The following CEP85L variants were observed in gnomAD, a reference collection of about 807,000 sequenced individuals.
CEP85L encodes the protein centrosomal protein of 85 kDa-like.
CEP85L carries 60 observed loss-of-function variants against 100.3 expected under a neutral mutation model. That is an observed-to-expected ratio of 0.60 (90% CI 0.49 to 0.74). CEP85L has a LOEUF of 0.74. Ranked by LOEUF, CEP85L falls within the 30% of genes least tolerant of loss-of-function variation. The pLI, the probability that CEP85L is intolerant of heterozygous loss-of-function variation, is 0.00. For synonymous variants in CEP85L, 319 were observed against 322.7 expected (o/e 0.99, Z 0.12); for missense variants, 973 against 936.2 (o/e 1.04, Z -0.51).
chr6:118,573,335 T>C (rs1780021884), intron 2 of CEP85L, among the ~76,000 whole-genome samples: 1 of 152,206 alleles, frequency 6.6e-6, no homozygotes, highest in African/African-American at 2.4e-5. Context: ...GCAGGGAAAC[T>C]AAACTGTCTT....
intron 1 of CEP85L, among the ~76,000 whole-genome samples, chr6:118,692,656 C>T (rs886384115): frequency 7.5e-6 from 1 of 133,180 alleles, no homozygotes; most frequent in Non-Finnish European, 1.7e-5. Flanking sequence ...ATAAGAAAAG[C>T]AACAATGCTC....
chr6:118,654,859 T>C (rs1014831153), upstream of CEP85L, among the ~76,000 whole-genome samples: 9 of 152,194 alleles, frequency 5.9e-5, no homozygotes, highest in African/African-American at 1.7e-4. Context: ...ATATTGGTAA[T>C]ACAGACAAAC....
At chr6:118,624,780 G>C (rs1773676198) in intron 2 of CEP85L, among the ~76,000 whole-genome samples, 1 of 152,202 alleles carries the variant, frequency 6.6e-6, no homozygotes, top group African/African-American at 2.4e-5. Context: ...TATAACTGAT[G>C]AGAGAGGTGT....
intron 1 of CEP85L, among the ~76,000 whole-genome samples, chr6:118,694,665 T>C (rs891768761): frequency 5.3e-5 from 8 of 152,226 alleles, no homozygotes; most frequent in African/African-American, 1.2e-4. Flanking sequence ...CATCACATCA[T>C]AGTTCAGTGG....
intron 1 of CEP85L, among the ~76,000 whole-genome samples, chr6:118,672,644 T>G (rs1361693245): frequency 6.6e-6 from 1 of 152,084 alleles, no homozygotes; most frequent in Non-Finnish European, 1.5e-5. Context: ...CACACACCTG[T>G]AATCTCAGCT....
intron 5 of CEP85L, among the ~76,000 whole-genome samples, chr6:118,499,471 C>T (rs1775134276): frequency 6.6e-6 from 1 of 152,066 alleles, no homozygotes; most frequent in Non-Finnish European, 1.5e-5. Context: ...TGAGACCAGC[C>T]TGGCCAATAG....
intron 2 of CEP85L, among the ~76,000 whole-genome samples, chr6:118,605,041 G>A (rs1355803482): frequency 4.6e-5 from 7 of 152,234 alleles, no homozygotes; most frequent in Admixed American, 2.6e-4. Flanking sequence ...GATTCCGCAC[G>A]TGTAAGATTT....
At chr6:118,549,738 T>C (rs143934945) in intron 3 of CEP85L, among the ~76,000 whole-genome samples, 1 of 152,022 alleles carries the variant, frequency 6.6e-6, no homozygotes, top group African/African-American at 2.4e-5. Flanking sequence ...CAAATATCTA[T>C]CAAATTACAT....
intron 1 of CEP85L, among the ~76,000 whole-genome samples, chr6:118,696,377 T>C (rs1055986408): frequency 6.6e-6 from 1 of 152,244 alleles, no homozygotes. Context: ...TCTTCTGTGA[T>C]GATAGACAGC....
At chr6:118,563,162 C>A (rs1779320814) in intron 3 of CEP85L, among the ~76,000 whole-genome samples, 1 of 152,158 alleles carries the variant, frequency 6.6e-6, no homozygotes, top group South Asian at 2.1e-4. Context: ...CATAAACCAT[C>A]TGAGGGCATA....
chr6:118,584,882 G>A (rs1382812657), intron 2 of CEP85L, among the ~76,000 whole-genome samples: 2 of 152,216 alleles, frequency 1.3e-5, no homozygotes, highest in Non-Finnish European at 2.9e-5. Context: ...CTGTTAAAGG[G>A]TTCCAACATC....
intron 2 of CEP85L, among the ~76,000 whole-genome samples, chr6:118,629,672 T>C (rs1562322999): frequency 6.6e-6 from 1 of 152,168 alleles, no homozygotes; most frequent in Non-Finnish European, 1.5e-5. Flanking sequence ...AATATACTCT[T>C]ACCACATGAT....
chr6:118,498,584 A>C (rs1775070543), intron 5 of CEP85L, among the ~76,000 whole-genome samples: 1 of 134,146 alleles, frequency 7.5e-6, no homozygotes, highest in Non-Finnish European at 1.6e-5. Context: ...ACATAGTGAG[A>C]CCCAATCTGT....
intron 1 of CEP85L, among the ~76,000 whole-genome samples, chr6:118,703,970 T>A (rs957587735): frequency 2.5e-4 from 38 of 152,220 alleles, no homozygotes; most frequent in Non-Finnish European, 4.4e-4. Flanking sequence ...CTCAAAAATT[T>A]TTTATACGCA....
intron 1 of CEP85L, among the ~76,000 whole-genome samples, chr6:118,667,111 T>C (rs1465272841): frequency 2.0e-5 from 3 of 152,178 alleles, no homozygotes; most frequent in Non-Finnish European, 4.4e-5. Flanking sequence ...ATCCTTCGGG[T>C]CCAGACTCAG....
chr6:118,707,220 G>A (rs1157115542), intron 1 of CEP85L, among the ~76,000 whole-genome samples: 1 of 148,332 alleles, frequency 6.7e-6, no homozygotes, highest in African/African-American at 2.5e-5. Context: ...TTTGAGACAG[G>A]CTCTTACTCT....
At chr6:118,618,852 G>A (rs976517754) in intron 2 of CEP85L, among the ~76,000 whole-genome samples, 15 of 152,172 alleles carry the variant, frequency 9.9e-5, no homozygotes, top group Non-Finnish European at 2.2e-4. Context: ...ATTGGGCCTT[G>A]ACATGCAAGC....
At position 118,466,061 on chromosome 6, in the gene CEP85L, G is replaced by GAGAGGGAGAGGA. The variant is rs1004484485; in HGVS notation, c.2255-505_2255-494dup. Among the ~76,000 whole-genome samples, 5 of 152,224 alleles carry GAGAGGGAGAGGA rather than the reference G, an allele frequency of 3.3e-5. No homozygotes were observed. In the South Asian group the frequency reaches 6.2e-4, roughly 19 times the overall value. On this transcript the variant is annotated intron_variant, in intron 12 of 12. Coordinates refer to ENST00000368491, the MANE Select transcript of CEP85L (RefSeq NM_001042475.3). ...GCGGGGAGGGAAAATGAGAGAGACA[G>GAGAGGGAGAGGA]AGAGGGAGAGGAAGAGGGAGAGGAA...
intron 2 of CEP85L, among the ~76,000 whole-genome samples, chr6:118,581,661 C>A (rs1217677028): frequency 6.6e-6 from 1 of 152,046 alleles, no homozygotes; most frequent in African/African-American, 2.4e-5. Context: ...GTTTTCTTCT[C>A]CACCCTGAGT....
Sources: gnomAD v4.1 joint callset for allele counts (sites outside exome capture counted in the v4.1 genomes callset) on GRCh38, gnomAD v4.1.1 for gene constraint, MANE v1.5 for transcripts, NCBI Gene and HGNC (gene_info 2026-07-23, HGNC 2026-07-21) for gene names.